ITGB5: variants seen among roughly 807,000 people sequenced by gnomAD.
ITGB5 encodes integrin subunit beta 5.
ITGB5 carries 38 observed loss-of-function variants against 84.8 expected under a neutral mutation model. That is an observed-to-expected ratio of 0.45 (90% confidence interval 0.35 to 0.59). The LOEUF (loss-of-function observed/expected upper bound fraction) is 0.59. ITGB5 is among the 20% of genes least tolerant of loss of function. The pLI, the probability that ITGB5 is intolerant of heterozygous loss-of-function variation, is 0.01. For missense variants in ITGB5, 905 were observed against 1,034.5 expected, an observed-to-expected ratio of 0.87 and a Z score of 1.72; for synonymous variants, 393 against 414.4, an observed-to-expected ratio of 0.95 and a Z score of 0.63.
intron 10 of ITGB5, among the ~76,000 whole-genome samples, chr3:124,774,574 C>G (rs1337930098): frequency 6.6e-6 from 1 of 152,194 alleles, no homozygotes; most frequent in Non-Finnish European, 1.5e-5. Context: ...GCCGACACCT[C>G]CATGTTAGCC....
intron 8 of ITGB5, among the ~76,000 whole-genome samples, chr3:124,817,213 T>TCAC (rs1426300722): frequency 2.6e-5 from 4 of 152,210 alleles, no homozygotes; most frequent in African/African-American, 7.2e-5. Flanking sequence ...TCTTGCAGTG[T>TCAC]GGTCCTGTGG....
chr3:124,763,798 C>G, intron 14 of ITGB5, 80 bp from the exon 15 acceptor site: 1 of 817,272 alleles, frequency 1.2e-6, no homozygotes, highest in Non-Finnish European at 2.1e-6. Flanking sequence ...CCCTAGGATC[C>G]CTTCCCAGGT....
intron 5 of ITGB5, among the ~76,000 whole-genome samples, chr3:124,831,622 T>A (rs1208172246): frequency 6.6e-6 from 1 of 152,140 alleles, no homozygotes; most frequent in Non-Finnish European, 1.5e-5. Context: ...GGCTTGCTAG[T>A]TCAAACACAA....
At chr3:124,866,341 T>C (rs546198904) in intron 2 of ITGB5, among the ~76,000 whole-genome samples, 2 of 152,222 alleles carry the variant, frequency 1.3e-5, no homozygotes, top group African/African-American at 4.8e-5. Flanking sequence ...TAGTGTTCAA[T>C]GGGTGCTTGG....
chr3:124,777,647 G>T (rs974656759), intron 10 of ITGB5, among the ~76,000 whole-genome samples: 1 of 152,206 alleles, frequency 6.6e-6, no homozygotes, highest in African/African-American at 2.4e-5. Flanking sequence ...AGGGGCCTGG[G>T]CTTGCCCTCA....
chr3:124,776,624 T>G (rs1194257857), intron 10 of ITGB5, among the ~76,000 whole-genome samples: 1 of 152,192 alleles, frequency 6.6e-6, no homozygotes, highest in Non-Finnish European at 1.5e-5. Context: ...CAGACACTGA[T>G]GCACTCCAAG....
Position 124,798,608 on chromosome 3 carries a change from C to T in ITGB5, c.1264-1791G>A, listed in dbSNP as rs552716173. ...CTAATTTTTGTAGTTTTGGTAGAGA[C>T]GGAGATGGGGTTTCACTGTGTTGGC... On this transcript the variant is annotated intron_variant, in intron 9 of 14. Transcript: ENST00000296181. 1.2e-3 allele frequency among the ~76,000 whole-genome samples: 186 copies of T among 151,246 alleles called. 1 individual carries two copies. The highest frequency in any genetic ancestry group is 1.8e-3 in the Non-Finnish European group (125 of 67,824).
At chr3:124,800,203 G>T (rs2064295492) in intron 9 of ITGB5, among the ~76,000 whole-genome samples, 1 of 152,192 alleles carries the variant, frequency 6.6e-6, no homozygotes, top group Non-Finnish European at 1.5e-5. Flanking sequence ...TGCTGGACTT[G>T]TGCTCCACAG....
At chr3:124,898,793 A>T (rs79797208) in intron 1 of ITGB5, among the ~76,000 whole-genome samples, 2 of 140,932 alleles carry the variant, frequency 1.4e-5, no homozygotes, top group Non-Finnish European at 3.1e-5. Context: ...AAAAAAAAAA[A>T]GGCCGGGCGC....
At chr3:124,815,623 G>A (rs1260737998) in intron 8 of ITGB5, among the ~76,000 whole-genome samples, 1 of 152,152 alleles carries the variant, frequency 6.6e-6, no homozygotes, top group Non-Finnish European at 1.5e-5. Context: ...GGCAAGGCAG[G>A]GGTTCTGGCT....
intron 10 of ITGB5, among the ~76,000 whole-genome samples, chr3:124,775,411 AGT>A (rs952376674): frequency 1.3e-5 from 2 of 151,628 alleles, no homozygotes; most frequent in African/African-American, 4.8e-5. Context: ...GGTGTGTTGG[AGT>A]GTGAGTGTTT....
chr3:124,828,065 T>C (rs1398128670), intron 5 of ITGB5, among the ~76,000 whole-genome samples: 2 of 152,066 alleles, frequency 1.3e-5, no homozygotes, highest in African/African-American at 4.8e-5. Context: ...AAAAGCTTTA[T>C]TGTTCGCGCA....
rs750712591 is a variant in ITGB5 at position 124,861,495 on chromosome 3, T to TATATATATATATAC, written c.157-2050_157-2049insGTATATATATATAT. Among the ~76,000 whole-genome samples the TATATATATATATAC allele has an allele frequency of 2.6e-3, 286 of 111,958 alleles. 1 individual carries two copies. Among genetic ancestry groups the TATATATATATATAC allele is most frequent in the Non-Finnish European group, 3.4e-3 (201 of 59,626 alleles). The allele number at this position is 111,958 out of a possible 152,430, so 73.4% of individuals were successfully genotyped here. On this transcript the variant is annotated intron_variant, in intron 2 of 14. Coordinates refer to ENST00000296181, the MANE Select transcript of ITGB5 (RefSeq NM_002213.5). ...ACAAAACAAAACATATATATATATA[T>TATATATATATATAC]ACACACACACACACACACACACACA...
intron 1 of ITGB5, among the ~76,000 whole-genome samples, chr3:124,874,306 G>GAAAAAA (rs59287818): frequency 8.8e-6 from 1 of 113,392 alleles, no homozygotes. Flanking sequence ...TCAAAAGCCG[G>GAAAAAA]AAAAAAAAAA....
chr3:124,802,800 G>A (rs2107527248), intron 9 of ITGB5, among the ~76,000 whole-genome samples: 2 of 152,344 alleles, frequency 1.3e-5, no homozygotes, highest in Middle Eastern at 3.4e-3. Context: ...TGGCTCTGAA[G>A]AGCAGAGTGG....
At chr3:124,860,789 A>G (rs1414137941) in intron 2 of ITGB5, among the ~76,000 whole-genome samples, 1 of 152,216 alleles carries the variant, frequency 6.6e-6, no homozygotes, top group East Asian at 1.9e-4. Flanking sequence ...TCCCTTGACC[A>G]CTTTGTTAGA....
intron 3 of ITGB5, among the ~76,000 whole-genome samples, chr3:124,852,957 G>A (rs2065176873): frequency 6.6e-6 from 1 of 152,084 alleles, no homozygotes; most frequent in Non-Finnish European, 1.5e-5. Flanking sequence ...AAAGTGCTGG[G>A]ATTATAGGTG....
intron 2 of ITGB5, among the ~76,000 whole-genome samples, chr3:124,865,223 G>A (rs949629275): frequency 2.6e-5 from 4 of 152,138 alleles, no homozygotes; most frequent in African/African-American, 7.2e-5. Context: ...TAGAAGAGGA[G>A]GGGAGACTTC....
Position 124,859,306 on chromosome 3 carries a change from C to T in ITGB5, c.297G>A (p.Ser99=), listed in dbSNP as rs375371191. 98 of 1,614,102 alleles carry T rather than the reference C, an allele frequency of 6.1e-5. No homozygotes were observed. Among genetic ancestry groups the T allele is most frequent in the Non-Finnish European group, 7.5e-5 (88 of 1,180,022 alleles). Residue 99 remains serine (S), a synonymous_variant, in exon 3 of 15, where the codon TCG becomes TCA. Coordinates refer to ENST00000296181, the MANE Select transcript of ITGB5 (RefSeq NM_002213.5). ...GAATGACGTCCCAGCCTGCAGAGCC[C>T]GAACCCTTGCTGCTGAGGGGCAGGC... ...LRSLPLSSKG[S]GSAGWDVIQM...
Sources: gnomAD v4.1 joint callset for allele counts (sites outside exome capture counted in the v4.1 genomes callset) on GRCh38, gnomAD v4.1.1 for gene constraint, MANE v1.5 for transcripts, NCBI Gene and HGNC (gene_info 2026-07-23, HGNC 2026-07-21) for gene names.